Variants in NAPSA observed in about 807,000 individuals in gnomAD.
The protein encoded by NAPSA is napsin-A.
Under a neutral mutation model 36.7 loss-of-function variants are expected in NAPSA, and 37 were observed. The ratio of observed to expected loss-of-function variants is 1.01; its 90% CI spans 0.78 to 1.33. The LOEUF is 1.33. Among genes scored for constraint, NAPSA ranks in the 40% most tolerant of loss-of-function variants. NAPSA has a pLI of 0.00. For synonymous variants in NAPSA, 222 were observed against 234.5 expected, an observed-to-expected ratio of 0.95 and a Z score of 0.49; for missense variants, 532 against 543.8, an observed-to-expected ratio of 0.98 and a Z score of 0.21.
Position 50,361,014 on chromosome 19 carries a change from C to T in NAPSA, c.595G>A (p.Val199Ile). Residue 199 changes from valine (V) to isoleucine (I), a missense_variant, in exon 5 of 9, where the codon GTT becomes ATT. Physicochemically the swap from Val to Ile is conservative, Grantham distance 29. This residue lies in a region of NAPSA where 385 missense variants were observed against 371.5 expected (regional missense o/e 1.04). Coordinates refer to ENST00000253719, the MANE Select transcript of NAPSA (RefSeq NM_004851.3). ...ACCAGTACATCCATCGGGGGCCGAA[C>T]TCCTTCCACAGACAGAATGGGAAAA... is the stretch of plus-strand genomic sequence containing the variant. Reference protein sequence around the residue: ...LGFPILSVEGVRPPMDVLVEQ... With the variant: ...LGFPILSVEGIRPPMDVLVEQ... 6.8e-6 allele frequency: 11 copies of T among 1,614,200 alleles called. No homozygotes were observed. The highest frequency in any genetic ancestry group is 5.9e-6 in the Non-Finnish European group (7 of 1,180,038).
rs193094509 is a variant in NAPSA at position 50,362,554 on chromosome 19, C to T, written c.84-241G>A. On this transcript the variant is annotated intron_variant, in intron 1 of 8. Coordinates refer to ENST00000253719, the MANE Select transcript of NAPSA (RefSeq NM_004851.3). The stretch of plus-strand genomic sequence containing the variant: ...AACAGACCTTTCCATGTCCAAATCC[C>T]TTAAAATAAGCTATTCCCAAGGAAT... 524 of 372,324 alleles carry T rather than the reference C, an allele frequency of 1.4e-3. 1 individual carries two copies. Among genetic ancestry groups the T allele is most frequent in the African/African-American group, 8.6e-3 (411 of 47,854 alleles). The allele number at this position is 372,324 out of a possible 1,614,324, so 23.1% of individuals were successfully genotyped here. A position where few individuals can be genotyped will look rare whatever the true frequency, so the allele number is the denominator to read the frequency against.
At chr19:50,359,474 A>G in intron 7 of NAPSA, 29 bp downstream of exon 7, 1 of 1,613,522 alleles carries the variant, frequency 6.2e-7, no homozygotes, top group Non-Finnish European at 8.5e-7. Flanking sequence ...CAGCCTTCCC[A>G]GCCCGTACCC....
At chr19:50,364,139 G>A (rs2037510910) in intron 1 of NAPSA, among the ~76,000 whole-genome samples, 1 of 151,556 alleles carries the variant, frequency 6.6e-6, no homozygotes, top group Non-Finnish European at 1.5e-5. Flanking sequence ...CCAACATGGT[G>A]AAACCTCATC....
rs370440200 is a variant in NAPSA, at chr19:50,361,802, G to A, written c.350-21C>T. On this transcript the variant is annotated intron_variant, in intron 3 of 8. Coordinates refer to ENST00000253719, the MANE Select transcript of NAPSA (RefSeq NM_004851.3). ...TAACCCTAGGTTAGAGGTCAGAAAG[G>A]TGTCATGGGGGAGGGAATCTCCCCA... 14 of 1,610,230 alleles carry A rather than the reference G, an allele frequency of 8.7e-6. No homozygotes were observed. In the African/African-American group the frequency reaches 1.7e-4, roughly 20 times the overall value.
At chr19:50,365,103 A>G (rs996997353) in intron 1 of NAPSA, among the ~76,000 whole-genome samples, 4 of 151,708 alleles carry the variant, frequency 2.6e-5, no homozygotes, top group Admixed American at 1.3e-4. Context: ...TGGGAGGCCG[A>G]GGTGAGCGGA....
chr19:50,359,835 C>T lies in NAPSA; in HGVS notation c.696G>A (p.Glu232=). The change falls in exon 6 of 9, where the codon GAG becomes GAA. Residue 232 remains glutamate (E), a synonymous_variant. Coordinates refer to ENST00000253719, the MANE Select transcript of NAPSA (RefSeq NM_004851.3). ...NRDPEEPDGG[E]LVLGGSDPAH... ...CCGGGTCCGAGCCCCCCAGGACCAG[C>T]TCTCCTCCATCAGGCTCTTCAGGGT... 1 of 1,614,232 alleles carries T rather than the reference C, an allele frequency of 6.2e-7. No individual in the cohort carries two copies. Among genetic ancestry groups the T allele is most frequent in the Non-Finnish European group, 8.5e-7 (1 of 1,180,038 alleles).
chr19:50,359,175 C>T, intron 7 of NAPSA, 66 bp from the exon 8 acceptor site: 1 of 1,383,564 alleles, frequency 7.2e-7, no homozygotes, highest in Non-Finnish European at 1.0e-6. Flanking sequence ...TCCGTGGCTC[C>T]CCAGTGCCAT....
At chr19:50,361,599 C>T in intron 4 of NAPSA, 64 bp downstream of exon 4, 2 of 1,411,644 alleles carry the variant, frequency 1.4e-6, no homozygotes, top group Admixed American at 1.7e-5. Context: ...CTTCCTAAGC[C>T]AGATGATCTT....
upstream of NAPSA, among the ~76,000 whole-genome samples, chr19:50,367,850 G>A (rs1374440334): frequency 6.6e-6 from 1 of 152,062 alleles, no homozygotes; most frequent in Non-Finnish European, 1.5e-5. Context: ...GTGAGCCAGG[G>A]ACTGGAGTCA....
chr19:50,368,836 C>G (rs544895023), upstream of NAPSA, among the ~76,000 whole-genome samples: 1 of 152,374 alleles, frequency 6.6e-6, no homozygotes, highest in South Asian at 2.1e-4. Flanking sequence ...CAGGCTCTCT[C>G]CAGCTTTCCT....
At chr19:50,358,860 C>T in intron 8 of NAPSA, 80 bp from the exon 9 acceptor site, 1 of 1,394,634 alleles carries the variant, frequency 7.2e-7, no homozygotes, top group Non-Finnish European at 9.8e-7. Context: ...ATCCCCCCCA[C>T]CCTCGGGTTC....
intron 5 of NAPSA, 110 bp downstream of exon 5, chr19:50,360,831 T>G (rs2037461622): frequency 9.3e-7 from 1 of 1,073,374 alleles, no homozygotes. Flanking sequence ...ACAGTGTAAG[T>G]GGGTGACTCT....
intron 1 of NAPSA, 64 bp downstream of exon 1, chr19:50,365,475 G>T: frequency 6.6e-7 from 1 of 1,515,978 alleles, no homozygotes; most frequent in South Asian, 1.2e-5. Context: ...GGGAGTCCTA[G>T]ACTTAAAGGG....
At chr19:50,360,860 A>G (rs1430527392) in intron 5 of NAPSA, 81 bp downstream of exon 5, 10 of 1,360,664 alleles carry the variant, frequency 7.3e-6, no homozygotes, top group Non-Finnish European at 1.0e-6. Flanking sequence ...GAATTCCTGC[A>G]TTGGGTCAGT....
intron 5 of NAPSA, among the ~76,000 whole-genome samples, chr19:50,360,293 G>C (rs949934268): frequency 6.6e-6 from 1 of 152,176 alleles, no homozygotes; most frequent in African/African-American, 2.4e-5. Context: ...GGCTGAGAGC[G>C]ATGGGAACAG....
chr19:50,359,413 A>G, intron 7 of NAPSA, 90 bp downstream of exon 7: 1 of 1,550,804 alleles, frequency 6.4e-7, no homozygotes, highest in East Asian at 2.3e-5. Context: ...AGCCCCTTAA[A>G]TACTTGCCTC....
rs1568585454 is a variant in NAPSA, at chr19:50,359,622, GAGTC to G, written c.813_816del (p.Thr272SerfsTer118). 1.2e-6 allele frequency: 2 copies of G among 1,614,232 alleles called. No homozygotes were observed. Among genetic ancestry groups the G allele is most frequent in the South Asian group, 1.1e-5 (1 of 91,082 alleles). On this transcript the variant is annotated frameshift_variant, in exon 7 of 9. Transcript: ENST00000253719. LOFTEE classifies it high-confidence loss of function. Reference sequence around the variant, plus strand: ...ATGGCAGCACAGCCCTTGGCACAGAGAGTCAGCCCTGGGCCCACCTTCACACTGA... The same window carrying G: ...ATGGCAGCACAGCCCTTGGCACAGAGAGCCCTGGGCCCACCTTCACACTGA...
chr19:50,359,210 T>C (rs2037438289), intron 7 of NAPSA, 101 bp from the exon 8 acceptor site: 8 of 1,073,704 alleles, frequency 7.5e-6, no homozygotes, highest in Non-Finnish European at 9.7e-6. Flanking sequence ...ATTGAGCACC[T>C]GGGTACTCAG....
chr19:50,363,201 C>T (rs780421847), intron 1 of NAPSA, among the ~76,000 whole-genome samples: 8 of 151,992 alleles, frequency 5.3e-5, no homozygotes, highest in South Asian at 2.1e-4. Context: ...TTGAGAGGCA[C>T]GAGAATGTGA....
Sources: gnomAD v4.1 joint callset for allele counts (sites outside exome capture counted in the v4.1 genomes callset) on GRCh38, gnomAD v4.1.1 for gene constraint, gnomAD v4.1.1 regional missense constraint, MANE v1.5 for transcripts, NCBI Gene and HGNC (gene_info 2026-07-23, HGNC 2026-07-21) for gene names.